PRDM6: variants seen among roughly 807,000 people sequenced by gnomAD.
The protein encoded by PRDM6 is PR/SET domain 6.
A neutral mutation model predicts 60.8 loss-of-function variants in PRDM6; 25 were observed. That is an observed-to-expected ratio of 0.41 (90% CI 0.30 to 0.57). The LOEUF is 0.57. Among genes scored for constraint, PRDM6 ranks in the 20% least tolerant of loss-of-function variants. PRDM6 has a pLI of 0.27. For missense variants in PRDM6, 839 were observed against 821.3 expected (o/e 1.02, Z -0.26); for synonymous variants, 407 against 357.4 (o/e 1.14, Z -1.57).
In PRDM6 at chr5:123,189,661, C is replaced by T. The variant is rs1052416136; in HGVS notation, c.*2460C>T. On this transcript the variant is annotated 3_prime_UTR_variant, in exon 8 of 8. Coordinates refer to ENST00000407847, the MANE Select transcript of PRDM6 (RefSeq NM_001136239.4). ...AGAAATTGTTGGCATATATATTCCA[C>T]CAAATTTGGTCAGAAAATATTTTCT... 2 of 152,170 alleles carry T rather than the reference C, an allele frequency of 1.3e-5. No individual in the cohort carries two copies. Among genetic ancestry groups the T allele is most frequent in the East Asian group, 3.8e-4 (2 of 5,198 alleles). The allele number at this position is 152,170 out of a possible 1,614,324, so 9.4% of individuals were successfully genotyped here. A position where few individuals can be genotyped will look rare whatever the true frequency, so the allele number is the denominator to read the frequency against.
rs981622800 is a variant in PRDM6, at chr5:123,188,455, G to T, written c.*1254G>T. 2 of 152,178 alleles carry T rather than the reference G, an allele frequency of 1.3e-5. No homozygotes were observed. The highest frequency in any genetic ancestry group is 6.5e-5 in the Admixed American group (1 of 15,274). The allele number at this position is 152,178 out of a possible 1,614,324, so 9.4% of individuals were successfully genotyped here. ...GTTTAATTTCAGCTAGCCTGTTGGT[G>T]GTTCAACAGTGGTGCTCAATGAAAT... is the stretch of plus-strand genomic sequence containing the variant. On this transcript the variant is annotated 3_prime_UTR_variant, in exon 8 of 8. Coordinates refer to ENST00000407847, the MANE Select transcript of PRDM6 (RefSeq NM_001136239.4).
rs1227400987 is a variant in PRDM6 at position 123,099,282 on chromosome 5, A to T, written c.593-372A>T. Among the ~76,000 whole-genome samples the T allele has an allele frequency of 2.0e-5, 3 of 151,122 alleles. No individual in the cohort carries two copies. Among genetic ancestry groups the T allele is most frequent in the Non-Finnish European group, 4.4e-5 (3 of 67,620 alleles). On this transcript the variant is annotated intron_variant, in intron 2 of 7. Coordinates refer to ENST00000407847, the MANE Select transcript of PRDM6 (RefSeq NM_001136239.4). This position sits in a 1 kb window ranked among gnomAD's most constrained non-coding sequence, Gnocchi z 4.0. ...TCAGAAGGAACGAGAGACAGTAGGG[A>T]AGAGAGAGAGAGAGACAGAGACAGA... is the stretch of plus-strand genomic sequence containing the variant.
intron 3 of PRDM6, among the ~76,000 whole-genome samples, chr5:123,102,914 G>A (rs1291229063): frequency 2.0e-5 from 3 of 151,934 alleles, no homozygotes; most frequent in African/African-American, 7.2e-5. Flanking sequence ...TACACATGAA[G>A]GCTTATTACA....
intron 3 of PRDM6, among the ~76,000 whole-genome samples, chr5:123,115,272 C>T (rs1424792838): frequency 1.3e-5 from 2 of 152,166 alleles, no homozygotes; most frequent in Admixed American, 6.5e-5. Flanking sequence ...TGCTGCCACT[C>T]CTAAATGTGT....
chr5:123,175,460 A>G (rs1448236528), intron 6 of PRDM6, among the ~76,000 whole-genome samples: 1 of 152,138 alleles, frequency 6.6e-6, no homozygotes, highest in Non-Finnish European at 1.5e-5. Context: ...AGTTTCTTAG[A>G]ATGTATCAGT....
At chr5:123,140,289 G>A (rs939710829) in intron 3 of PRDM6, among the ~76,000 whole-genome samples, 42 of 151,262 alleles carry the variant, frequency 2.8e-4, no homozygotes, top group African/African-American at 1.0e-3. Context: ...AAAAAAAAAG[G>A]TCAGAAAAAG....
At chr5:123,100,943 T>C (rs568000424) in intron 3 of PRDM6, among the ~76,000 whole-genome samples, 4 of 152,192 alleles carry the variant, frequency 2.6e-5, no homozygotes, top group Non-Finnish European at 5.9e-5. Flanking sequence ...TCTGACTAAC[T>C]GGGCAAGTGG....
chr5:123,145,220 A>G (rs375464), intron 3 of PRDM6, among the ~76,000 whole-genome samples: 2 of 152,184 alleles, frequency 1.3e-5, no homozygotes, highest in East Asian at 3.9e-4. Flanking sequence ...TAGGAATCCC[A>G]TTCTAGACAA....
chr5:123,159,618 G>A lies in PRDM6; in HGVS notation c.1133G>A (p.Cys378Tyr). 1 of 1,551,538 alleles carries A rather than the reference G, an allele frequency of 6.4e-7. No individual in the cohort carries two copies. Among genetic ancestry groups the A allele is most frequent in the Non-Finnish European group, 8.7e-7 (1 of 1,146,756 alleles). Reference sequence around the variant, plus strand: ...TCTTTCTTTGGGATCCCCTTACAATGCATTGCCCAGGATGAAAACTGTAAG... The same window carrying A: ...TCTTTCTTTGGGATCCCCTTACAATACATTGCCCAGGATGAAAACTGTAAG... Reference protein sequence around the residue: ...YTSFFGIPLQCIAQDENLNVP... With the variant: ...YTSFFGIPLQYIAQDENLNVP... Residue 378 changes from cysteine to tyrosine, a missense_variant, in exon 5 of 8, where the codon TGC (cysteine) becomes TAC (tyrosine). Coordinates refer to ENST00000407847, the MANE Select transcript of PRDM6 (RefSeq NM_001136239.4).
intron 3 of PRDM6, among the ~76,000 whole-genome samples, chr5:123,108,500 C>G (rs1286033675): frequency 6.6e-6 from 1 of 151,856 alleles, no homozygotes; most frequent in East Asian, 1.9e-4. Flanking sequence ...TGTGTTTGTC[C>G]CAAACTAATA....
intron 3 of PRDM6, among the ~76,000 whole-genome samples, chr5:123,122,967 A>C (rs1483696336): frequency 6.6e-6 from 1 of 152,156 alleles, no homozygotes; most frequent in Non-Finnish European, 1.5e-5. Context: ...TTTCCCCTGG[A>C]ATGGAAATCC....
chr5:123,122,436 G>T (rs940029239), intron 3 of PRDM6, among the ~76,000 whole-genome samples: 1 of 152,084 alleles, frequency 6.6e-6, no homozygotes, highest in African/African-American at 2.4e-5. Context: ...TTATTTATTG[G>T]ATTTCTCTGA....
chr5:123,103,819 A>G (rs1764152217), intron 3 of PRDM6, among the ~76,000 whole-genome samples: 1 of 152,092 alleles, frequency 6.6e-6, no homozygotes, highest in South Asian at 2.1e-4. Flanking sequence ...AGGCCTTTCA[A>G]CTCAGTGCCT....
At position 123,133,629 on chromosome 5, in the gene PRDM6, A is replaced by G. The variant is rs371115549; in HGVS notation, c.901-22255A>G. Among the ~76,000 whole-genome samples the G allele has an allele frequency of 7.2e-5, 11 of 152,076 alleles. No individual in the cohort carries two copies. The East Asian group carries it at 9.6e-4, about 13-fold the overall frequency. Reference sequence around the variant, plus strand: ...ATAGTGTGTTTGTTTATATGTTGACAAGATGATATACACCCTGAAGGTCAA... The same window carrying G: ...ATAGTGTGTTTGTTTATATGTTGACGAGATGATATACACCCTGAAGGTCAA... On this transcript the variant is annotated intron_variant, in intron 3 of 7. Coordinates refer to ENST00000407847, the MANE Select transcript of PRDM6 (RefSeq NM_001136239.4).
At chr5:123,138,846 A>G (rs531081700) in intron 3 of PRDM6, among the ~76,000 whole-genome samples, 3 of 152,282 alleles carry the variant, frequency 2.0e-5, no homozygotes, top group South Asian at 2.1e-4. Flanking sequence ...GTTAAGCACC[A>G]TGTTTCCTGC....
rs1418245467 is a variant in PRDM6, at chr5:123,111,762, GT to G, written c.900+11804del. ...TTTCTCTTCCTTGCCCCTTGTGGTT[GT>G]TTGCCCCGCTTCCTGCCTCTTCCCT... On this transcript the variant is annotated intron_variant, in intron 3 of 7. Transcript: ENST00000407847. Among the ~76,000 whole-genome samples the G allele has an allele frequency of 4.6e-5, 7 of 152,028 alleles. No individual in the cohort carries two copies. The East Asian group carries it at 1.3e-3, about 29-fold the overall frequency.
At position 123,108,816 on chromosome 5, in the gene PRDM6, A is replaced by G. The variant is rs1226128353; in HGVS notation, c.900+8855A>G. 5.3e-5 allele frequency among the ~76,000 whole-genome samples: 8 copies of G among 152,206 alleles called. No individual in the cohort carries two copies. In the East Asian group the frequency reaches 1.5e-3, roughly 29 times the overall value. On this transcript the variant is annotated intron_variant, in intron 3 of 7. Transcript: ENST00000407847. ...TGAGACATGATTATATAATATATAG[A>G]TTTATTTCATTGAGTCACAGTTTTG... is the stretch of plus-strand genomic sequence containing the variant.
Position 123,171,086 on chromosome 5 carries a change from G to A in PRDM6, c.1474G>A (p.Val492Met), listed in dbSNP as rs554991601. The change falls in exon 6 of 8, where the codon GTG (valine) becomes ATG (methionine). Residue 492 changes from valine (V) to methionine (M), a missense_variant. By Grantham distance (21) the Val-to-Met change is conservative. Coordinates refer to ENST00000407847, the MANE Select transcript of PRDM6 (RefSeq NM_001136239.4). Reference sequence around the variant, plus strand: ...CCAGCGGATCCTCTTACAGATGCACGTGTGCACGCAGAACCCCGACAGGTA... The same window carrying A: ...CCAGCGGATCCTCTTACAGATGCACATGTGCACGCAGAACCCCGACAGGTA... The part of the protein sequence containing the change: ...FTQRILLQMH[V>M]CTQNPDRPYQ... 1.4e-5 allele frequency: 22 copies of A among 1,545,652 alleles called. 1 individual carries two copies. In the Middle Eastern group the frequency reaches 5.0e-4, roughly 35 times the overall value.
At position 123,089,462 on chromosome 5, in the gene PRDM6, G is replaced by GCACTCGCACGCTCACCGAGA. The variant is rs1763750366; in HGVS notation, c.-70_-69insTCGCACGCTCACCGAGACAC. On this transcript the variant is annotated 5_prime_UTR_variant, in exon 1 of 8. Transcript: ENST00000407847. ...GCGCACGCAGGGCGCACACTCTCGC[G>GCACTCGCACGCTCACCGAGA]CACCCGCACGCTCACCGAGACACCC... 6.4e-6 allele frequency: 1 copy of GCACTCGCACGCTCACCGAGA among 155,218 alleles called. No individual in the cohort carries two copies. The highest frequency in any genetic ancestry group is 2.1e-4 in the South Asian group (1 of 4,858). The allele number at this position is 155,218 out of a possible 1,614,324, so 9.6% of individuals were successfully genotyped here.
Sources: gnomAD v4.1 joint callset for allele counts (sites outside exome capture counted in the v4.1 genomes callset) on GRCh38, gnomAD v4.1.1 for gene constraint, Gnocchi (gnomAD v3.1) non-coding constraint, MANE v1.5 for transcripts, NCBI Gene and HGNC (gene_info 2026-07-23, HGNC 2026-07-21) for gene names.